The following MTPAP variants were observed in gnomAD, a reference collection of about 807,000 sequenced individuals.
The protein encoded by MTPAP is mitochondrial poly(A) polymerase.
MTPAP carries 23 observed loss-of-function variants against 48.7 expected under a neutral mutation model. That is an observed-to-expected ratio of 0.47 (90% CI 0.34 to 0.67). The LOEUF (loss-of-function observed/expected upper bound fraction) is 0.67, where lower values mean the gene tolerates loss of function less well. Among genes scored for constraint, MTPAP ranks in the 30% least tolerant of loss-of-function variants. MTPAP has a pLI of 0.01. For missense variants in MTPAP, 614 were observed against 694.3 expected (o/e 0.88, Z 1.30); for synonymous variants, 257 against 254.1 (o/e 1.01, Z -0.11).
intron 4 of MTPAP, among the ~76,000 whole-genome samples, chr10:30,330,964 G>A (rs1410002994): frequency 6.6e-6 from 1 of 152,186 alleles, no homozygotes; most frequent in African/African-American, 2.4e-5. Context: ...ATAAATAGGT[G>A]ATGTGTTAAG....
At chr10:30,346,188 AC>A (rs1834872015) in intron 1 of MTPAP, among the ~76,000 whole-genome samples, 3 of 152,202 alleles carry the variant, frequency 2.0e-5, no homozygotes, top group Admixed American at 6.5e-5. Flanking sequence ...GAATGTCTTA[AC>A]TTCTGGATTG....
intron 6 of MTPAP, 25 bp downstream of exon 6, chr10:30,322,366 T>C (rs1251340905): frequency 1.3e-6 from 2 of 1,507,792 alleles, no homozygotes; most frequent in East Asian, 2.3e-5. Context: ...AAAAAGAAAA[T>C]GGAGAAGTTT....
chr10:30,343,569 T>C (rs1834837086), intron 1 of MTPAP, among the ~76,000 whole-genome samples: 1 of 151,974 alleles, frequency 6.6e-6, no homozygotes, highest in Admixed American at 6.6e-5. Flanking sequence ...ACTATCTTTT[T>C]TCTTTTTTTT....
intron 6 of MTPAP, among the ~76,000 whole-genome samples, chr10:30,320,855 T>C (rs564765872): frequency 6.6e-6 from 1 of 152,320 alleles, no homozygotes; most frequent in South Asian, 2.1e-4. Flanking sequence ...TACTGTTTCT[T>C]AGTTTCTGAA....
chr10:30,337,246 G>A (rs1834740669), intron 3 of MTPAP, among the ~76,000 whole-genome samples: 1 of 152,114 alleles, frequency 6.6e-6, no homozygotes, highest in African/African-American at 2.4e-5. Context: ...CCAACATGGA[G>A]AAACCCAATC....
At chr10:30,341,187 A>G (rs1238710405) in intron 2 of MTPAP, among the ~76,000 whole-genome samples, 1 of 152,186 alleles carries the variant, frequency 6.6e-6, no homozygotes, top group Admixed American at 6.5e-5. Context: ...CAGCCACTGC[A>G]CTCCAGCATA....
chr10:30,340,039 GA>G lies in MTPAP; in HGVS notation c.555+186del, dbSNP rs1291310101. On this transcript the variant is annotated intron_variant, in intron 3 of 8. Transcript: ENST00000263063. ...CGACATTCTTAGAAAGCTAGAAATA[GA>G]AAAAAACTTTCCTTCATCTCATTAT... The G allele has an allele frequency of 8.1e-6, 5 of 614,152 alleles. No homozygotes were observed. In the African/African-American group the frequency reaches 9.3e-5, roughly 11 times the overall value. 38.0% of individuals were successfully genotyped at this position (614,152 alleles called of 1,614,324 possible).
At chr10:30,314,254 A>T (rs1005818066) in intron 8 of MTPAP, among the ~76,000 whole-genome samples, 4 of 152,062 alleles carry the variant, frequency 2.6e-5, no homozygotes, top group Admixed American at 6.5e-5. Context: ...GAGAAGAGGT[A>T]TCTGGACTAA....
At chr10:30,323,128 CA>C (rs201987154) in intron 5 of MTPAP, among the ~76,000 whole-genome samples, 4,788 of 86,044 alleles carry the variant, frequency 0.056, 179 homozygotes, top group East Asian at 0.38. Context: ...GACTCCGTTT[CA>C]AAAAAAAAAA....
At chr10:30,316,790 T>C (rs1049122703) in intron 6 of MTPAP, among the ~76,000 whole-genome samples, 1 of 151,904 alleles carries the variant, frequency 6.6e-6, no homozygotes, top group Non-Finnish European at 1.5e-5. Context: ...CTGAAGAGGC[T>C]GAGGCACGAG....
rs949077004 is a variant in MTPAP, at chr10:30,338,615, C to A, written c.556-1588G>T. ...GCTTGAACCTGGGAGGCGGAGGTTG[C>A]AGTGAGCCACGATCAGGCCATTGCA... On this transcript the variant is annotated intron_variant, in intron 3 of 8. Transcript: ENST00000263063. 4.6e-5 allele frequency among the ~76,000 whole-genome samples: 7 copies of A among 151,996 alleles called. No homozygotes were observed. In the South Asian group the frequency reaches 1.5e-3, roughly 32 times the overall value.
At chr10:30,326,266 G>C (rs912363464) in intron 5 of MTPAP, among the ~76,000 whole-genome samples, 158 bp downstream of exon 5, 2 of 152,098 alleles carry the variant, frequency 1.3e-5, no homozygotes, top group Non-Finnish European at 2.9e-5. Flanking sequence ...TATAACGTAA[G>C]AGAAAAGATT....
At chr10:30,343,172 GA>G (rs1294179971) in intron 1 of MTPAP, among the ~76,000 whole-genome samples, 1 of 152,104 alleles carries the variant, frequency 6.6e-6, no homozygotes, top group Non-Finnish European at 1.5e-5. Context: ...AACAAGGCCA[GA>G]CGCGGTGGCT....
At chr10:30,332,925 T>C (rs1205110746) in intron 4 of MTPAP, among the ~76,000 whole-genome samples, 1 of 151,732 alleles carries the variant, frequency 6.6e-6, no homozygotes, top group East Asian at 1.9e-4. Flanking sequence ...ATCGAGACCA[T>C]CCTGGCTAAC....
intron 4 of MTPAP, among the ~76,000 whole-genome samples, chr10:30,331,884 A>G (rs1290239952): frequency 6.6e-6 from 1 of 152,226 alleles, no homozygotes; most frequent in Non-Finnish European, 1.5e-5. Context: ...ACTTTTATTC[A>G]TTCATTAGCA....
intron 6 of MTPAP, among the ~76,000 whole-genome samples, chr10:30,320,941 G>A (rs1840718032): frequency 6.6e-6 from 1 of 152,220 alleles, no homozygotes; most frequent in African/African-American, 2.4e-5. Flanking sequence ...CACAGCAGGA[G>A]TGGAAAAGGA....
intron 4 of MTPAP, among the ~76,000 whole-genome samples, chr10:30,331,585 C>CT (rs1834665711): frequency 6.6e-6 from 1 of 152,124 alleles, no homozygotes; most frequent in African/African-American, 2.4e-5. Context: ...AACTTTCCTT[C>CT]TTTTTTAGTC....
At chr10:30,343,295 T>C (rs1264452663) in intron 1 of MTPAP, among the ~76,000 whole-genome samples, 1 of 151,464 alleles carries the variant, frequency 6.6e-6, no homozygotes, top group African/African-American at 2.4e-5. Flanking sequence ...GTGTCTGCAG[T>C]CCCGGTTACT....
At chr10:30,314,884 CAAAAAA>C (rs34249388) in intron 8 of MTPAP, among the ~76,000 whole-genome samples, 1 of 110,742 alleles carries the variant, frequency 9.0e-6, no homozygotes, top group Non-Finnish European at 1.8e-5. Flanking sequence ...AAAACAAAAA[CAAAAAA>C]AAAAAAAAAA....
Sources: gnomAD v4.1 joint callset for allele counts (sites outside exome capture counted in the v4.1 genomes callset) on GRCh38, gnomAD v4.1.1 for gene constraint, MANE v1.5 for transcripts, NCBI Gene and HGNC (gene_info 2026-07-23, HGNC 2026-07-21) for gene names.